CDH18: variants seen among roughly 807,000 people sequenced by gnomAD.
CDH18 encodes cadherin 18.
CDH18 carries 31 observed loss-of-function variants against 67.9 expected under a neutral mutation model. The ratio of observed to expected loss-of-function variants is 0.46; its 90% CI spans 0.34 to 0.62. The LOEUF is 0.62. Ranked by LOEUF, CDH18 falls within the 20% of genes least tolerant of loss-of-function variation. The probability of loss-of-function intolerance (pLI) is 0.01; values close to 1 mark genes in which losing one functional copy is unlikely to be tolerated. For missense variants in CDH18, 890 were observed against 975.5 expected (o/e 0.91, Z 1.17); for synonymous variants, 362 against 347.2 (o/e 1.04, Z -0.48).
intron 2 of CDH18, among the ~76,000 whole-genome samples, chr5:20,201,213 G>A: frequency 6.6e-6 from 1 of 151,550 alleles, no homozygotes; most frequent in East Asian, 1.9e-4. Flanking sequence ...CTCTGCTTCT[G>A]TCCTCCTACA....
intron 2 of CDH18, among the ~76,000 whole-genome samples, chr5:20,170,707 T>G (rs1230259781): frequency 6.6e-6 from 1 of 152,128 alleles, no homozygotes; most frequent in African/African-American, 2.4e-5. Flanking sequence ...TTGTTTTCCT[T>G]AAACTTTCAT....
intron 1 of CDH18, among the ~76,000 whole-genome samples, chr5:20,479,781 G>A (rs894299958): frequency 2.0e-5 from 3 of 152,062 alleles, no homozygotes; most frequent in Admixed American, 6.6e-5. Flanking sequence ...CAATATTCAA[G>A]TATAGGAGGG....
intron 2 of CDH18, among the ~76,000 whole-genome samples, chr5:20,219,191 A>G (rs907981862): frequency 1.3e-5 from 2 of 151,946 alleles, no homozygotes; most frequent in Admixed American, 1.3e-4. Flanking sequence ...AATTCAAGGG[A>G]TCATTAGCAA....
rs373026884 is a variant in CDH18 at position 19,685,058 on chromosome 5, G to C, written c.643+36289C>G. On this transcript the variant is annotated intron_variant, in intron 5 of 12. Transcript: ENST00000382275. ...TGAAACAACTGATGGGATTCGTTAAGATCATGTGCTCCATAACTGAATCTT... is the reference window on the plus strand; with the variant it reads ...TGAAACAACTGATGGGATTCGTTAACATCATGTGCTCCATAACTGAATCTT... Among the ~76,000 whole-genome samples, 257 of 152,240 alleles carry C rather than the reference G, an allele frequency of 1.7e-3. 1 individual carries two copies. Among genetic ancestry groups the C allele is most frequent in the African/African-American group, 6.0e-3 (248 of 41,564 alleles).
intron 12 of CDH18, among the ~76,000 whole-genome samples, chr5:19,475,638 C>T (rs1321366760): frequency 1.3e-5 from 2 of 151,928 alleles, no homozygotes; most frequent in East Asian, 3.9e-4. Context: ...GCTAAGCATA[C>T]ATGCATATGT....
chr5:20,254,170 T>C (rs990598611), intron 2 of CDH18, among the ~76,000 whole-genome samples: 1 of 152,192 alleles, frequency 6.6e-6, no homozygotes, highest in Non-Finnish European at 1.5e-5. Context: ...TAGAGTGCAG[T>C]GGTGCGATCT....
intron 1 of CDH18, among the ~76,000 whole-genome samples, chr5:20,413,691 C>A (rs1436125240): frequency 6.6e-6 from 1 of 152,092 alleles, no homozygotes; most frequent in Admixed American, 6.6e-5. Flanking sequence ...TGTTTAAGTT[C>A]TTTGTAGGTT....
At chr5:20,254,444 C>T (rs1744079321) in intron 2 of CDH18, among the ~76,000 whole-genome samples, 1 of 152,102 alleles carries the variant, frequency 6.6e-6, no homozygotes, top group Non-Finnish European at 1.5e-5. Flanking sequence ...GAAAATACAA[C>T]CAAGAATTTT....
intron 1 of CDH18, among the ~76,000 whole-genome samples, chr5:20,406,644 G>A (rs1746293927): frequency 6.6e-6 from 1 of 151,938 alleles, no homozygotes; most frequent in African/African-American, 2.4e-5. Context: ...AAACTATCAA[G>A]AATTGAATAA....
rs542508677 is a variant in CDH18 at position 19,960,045 on chromosome 5, G to C, written c.-257+21015C>G. On this transcript the variant is annotated intron_variant, in intron 2 of 12. Transcript: ENST00000382275. The stretch of plus-strand genomic sequence containing the variant: ...TTGTTCTGAGTGAGTCAATGAGTGA[G>C]TGATGAGTAAATGTGAAGACCTATG... Among the ~76,000 whole-genome samples, 495 of 152,210 alleles carry C rather than the reference G, an allele frequency of 3.3e-3. 4 individuals carry two copies. Among genetic ancestry groups the C allele is most frequent in the African/African-American group, 0.011 (476 of 41,496 alleles).
intron 1 of CDH18, among the ~76,000 whole-genome samples, chr5:20,388,136 G>A (rs1253758382): frequency 6.6e-6 from 1 of 152,188 alleles, no homozygotes; most frequent in Non-Finnish European, 1.5e-5. Context: ...AGTGTCAGAA[G>A]GAATGGCACC....
chr5:19,840,937 A>G (rs1299617362), intron 2 of CDH18, among the ~76,000 whole-genome samples: 1 of 152,108 alleles, frequency 6.6e-6, no homozygotes, highest in East Asian at 1.9e-4. Flanking sequence ...TGTAGATCTG[A>G]ATAAATAACA....
At chr5:20,506,133 G>A (rs1261120493) in intron 1 of CDH18, among the ~76,000 whole-genome samples, 1 of 152,150 alleles carries the variant, frequency 6.6e-6, no homozygotes, top group African/African-American at 2.4e-5. Context: ...AGATTGTTGA[G>A]ATGCTGGGAT....
At chr5:19,835,859 A>T (rs1314030246) in intron 3 of CDH18, among the ~76,000 whole-genome samples, 1 of 152,154 alleles carries the variant, frequency 6.6e-6, no homozygotes, top group Non-Finnish European at 1.5e-5. Flanking sequence ...TACTACAGAC[A>T]ACAGAATAGA....
At chr5:20,301,831 G>C (rs370062530) in intron 1 of CDH18, among the ~76,000 whole-genome samples, 162 of 124,264 alleles carry the variant, frequency 1.3e-3, no homozygotes, top group African/African-American at 4.7e-3. Context: ...TATAAAATGT[G>C]ATCTAGAATT....
upstream of CDH18, among the ~76,000 whole-genome samples, chr5:19,990,308 T>G (rs1799908942): frequency 6.6e-6 from 1 of 152,232 alleles, no homozygotes; most frequent in South Asian, 2.1e-4. Flanking sequence ...TGAAATAAAA[T>G]GTTTGTTTGC....
chr5:20,130,754 CT>C (rs548215657), intron 2 of CDH18, among the ~76,000 whole-genome samples: 5 of 151,948 alleles, frequency 3.3e-5, no homozygotes, highest in Non-Finnish European at 7.4e-5. Flanking sequence ...CAATTTCTTC[CT>C]TTTAAAAATC....
At position 19,928,692 on chromosome 5, in the gene CDH18, G is replaced by A. The variant is rs1184858158; in HGVS notation, c.-257+52368C>T. ...GATCAGAACACTGGGAGGATTGGCA[G>A]GAATGAACCTGGGAAGAAAACAGCC... is the stretch of plus-strand genomic sequence containing the variant. On this transcript the variant is annotated intron_variant, in intron 2 of 12. Coordinates refer to ENST00000382275, the MANE Select transcript of CDH18 (RefSeq NM_004934.5). Among the ~76,000 whole-genome samples, 3 of 152,128 alleles carry A rather than the reference G, an allele frequency of 2.0e-5. No individual in the cohort carries two copies. In the East Asian group the frequency reaches 5.8e-4, roughly 29 times the overall value.
At chr5:19,483,733 C>G (rs970219209) in intron 11 of CDH18, among the ~76,000 whole-genome samples, 181 bp from the exon 12 acceptor site, 17 of 151,992 alleles carry the variant, frequency 1.1e-4, no homozygotes, top group South Asian at 2.1e-4. Flanking sequence ...ACTGAGAAAC[C>G]TATTTAGAAA....
Sources: allele counts gnomAD v4.1 joint callset (sites outside exome capture counted in the v4.1 genomes callset), GRCh38; gene constraint gnomAD v4.1.1; transcripts MANE v1.5; gene names NCBI Gene and HGNC (gene_info 2026-07-23, HGNC 2026-07-21).